DYRK1B: variants seen among roughly 807,000 people sequenced by gnomAD.
DYRK1B encodes the protein dual specificity tyrosine phosphorylation regulated kinase 1B.
Under a neutral mutation model 57.1 loss-of-function variants are expected in DYRK1B, and 20 were observed. The ratio of observed to expected loss-of-function variants is 0.35; its 90% CI spans 0.25 to 0.51. The LOEUF is 0.51. Among genes scored for constraint, DYRK1B ranks in the 20% least tolerant of loss-of-function variants. DYRK1B has a pLI of 0.96. For missense variants in DYRK1B, 732 were observed against 886.3 expected (o/e 0.83, Z 2.21); for synonymous variants, 409 against 384.7 (o/e 1.06, Z -0.74).
At position 39,825,710 on chromosome 19, in the gene DYRK1B, C is replaced by T; in HGVS notation, c.*5G>A. 1.3e-6 allele frequency: 2 copies of T among 1,547,108 alleles called. No homozygotes were observed. Among genetic ancestry groups the T allele is most frequent in the Non-Finnish European group, 1.7e-6 (2 of 1,147,256 alleles). On this transcript the variant is annotated 3_prime_UTR_variant, in exon 11 of 11. Transcript: ENST00000323039. ...TTCAGGAGGGGCCCCAGGGAGGGGG[C>T]AGGGTCACGAGCTGGCTGCTGTGCT...
At chr19:39,833,495 GC>G in intron 1 of DYRK1B, 1 of 275,484 alleles carries the variant, frequency 3.6e-6, no homozygotes, top group Non-Finnish European at 5.5e-6. Context: ...ACAAGGGTCA[GC>G]CCAGGGCACG....
chr19:39,828,381 C>T lies in DYRK1B; in HGVS notation c.723G>A (p.Lys241=). The change falls in exon 6 of 11, where the codon AAG becomes AAA. Residue 241 remains lysine, a synonymous_variant. Coordinates refer to ENST00000323039, the MANE Select transcript of DYRK1B (RefSeq NM_004714.3). This position sits in a 1 kb window ranked among gnomAD's most constrained non-coding sequence, Gnocchi z 4.3. ...PELSIIHCDL[K]PENILLCNPK... The stretch of plus-strand genomic sequence containing the variant: ...GGTTGCACAGCAAGATGTTTTCGGG[C>T]TTGAGGTCGCAGTGAATGATGCTGA... 1 of 1,614,096 alleles carries T rather than the reference C, an allele frequency of 6.2e-7. No homozygotes were observed. Among genetic ancestry groups the T allele is most frequent in the South Asian group, 1.1e-5 (1 of 91,050 alleles).
At chr19:39,830,338 G>A in intron 4 of DYRK1B, 37 bp downstream of exon 4, 1 of 1,612,682 alleles carries the variant, frequency 6.2e-7, no homozygotes, top group African/African-American at 1.3e-5. Context: ...CAATGTTAGT[G>A]GGGCCTTGGA....
rs191985653 is a variant in DYRK1B, at chr19:39,826,487, G to A, written c.1411+185C>T. ...TTTTAGAGTCAGAACCAGTTTCAGG[G>A]CTCTGAGCCCAATTTCAGTGATTGT... On this transcript the variant is annotated intron_variant, in intron 9 of 10. Transcript: ENST00000323039. This position sits in a 1 kb window ranked among gnomAD's most constrained non-coding sequence, Gnocchi z 6.3. Among the ~76,000 whole-genome samples the A allele has an allele frequency of 6.6e-6, 1 of 152,334 alleles. No homozygotes were observed. Among genetic ancestry groups the A allele is most frequent in the East Asian group, 1.9e-4 (1 of 5,182 alleles).
At chr19:39,829,448 C>G (rs186248093) in intron 5 of DYRK1B, among the ~76,000 whole-genome samples, 49 of 152,140 alleles carry the variant, frequency 3.2e-4, no homozygotes, top group African/African-American at 9.9e-4. Context: ...AGGATGGTCT[C>G]GATCTCTTGA....
rs566284119 is a variant in DYRK1B at position 39,825,541 on chromosome 19, G to A, written c.*174C>T. 5.3e-3 allele frequency: 3,348 copies of A among 636,352 alleles called. 13 individuals are homozygous for A. The highest frequency in any genetic ancestry group is 7.4e-3 in the Non-Finnish European group (2,759 of 371,774). 39.4% of individuals were successfully genotyped at this position (636,352 alleles called of 1,614,324 possible). A position where few individuals can be genotyped will look rare whatever the true frequency, so the allele number is the denominator to read the frequency against. ...GGGTCCAGTCCTTAGTGGGGAGGGA[G>A]CGGCCAAAACCCTCTCCTTGACCCC... On this transcript the variant is annotated 3_prime_UTR_variant, in exon 11 of 11. Transcript: ENST00000323039.
rs369564259 is a variant in DYRK1B, at chr19:39,831,170, T to C, written c.64-387A>G. On this transcript the variant is annotated intron_variant, in intron 2 of 10. Transcript: ENST00000323039. ...CCTCTGAAGTACCTCTATCTCAATT[T>C]ACCCTCATCCCTTGGGCCTCAACCC... 5.9e-5 allele frequency among the ~76,000 whole-genome samples: 9 copies of C among 152,266 alleles called. No individual in the cohort carries two copies. In the East Asian group the frequency reaches 1.7e-3, roughly 29 times the overall value.
At chr19:39,829,605 C>T in intron 5 of DYRK1B, 1 of 336,688 alleles carries the variant, frequency 3.0e-6, no homozygotes, top group Admixed American at 4.7e-5. Context: ...TAATAATGCC[C>T]TTCCCCTTAT....
chr19:39,825,660 G>A lies in DYRK1B; in HGVS notation c.*55C>T. On this transcript the variant is annotated 3_prime_UTR_variant, in exon 11 of 11. Coordinates refer to ENST00000323039, the MANE Select transcript of DYRK1B (RefSeq NM_004714.3). ...AGAGAGATGAGGATGGGAGCCCAGG[G>A]CCCCCAGATGGGGGAGGGTATGGCT... is the stretch of plus-strand genomic sequence containing the variant. The A allele has an allele frequency of 6.7e-7, 1 of 1,498,102 alleles. No homozygotes were observed. The highest frequency in any genetic ancestry group is 9.0e-7 in the Non-Finnish European group (1 of 1,110,824). The allele number at this position is 1,498,102 out of a possible 1,614,324, so 92.8% of individuals were successfully genotyped here. A position where few individuals can be genotyped will look rare whatever the true frequency, so the allele number is the denominator to read the frequency against.
rs1055251974 is a variant in DYRK1B at position 39,826,911 on chromosome 19, G to A, written c.1172C>T (p.Ala391Val). The change falls in exon 9 of 11, where the codon GCG (alanine) becomes GTG (valine). Residue 391 changes from alanine to valine, a missense_variant. By Grantham distance (64) the Ala-to-Val change is moderately conservative (BLOSUM62 0). Transcript: ENST00000323039. This position sits in a 1 kb window ranked among gnomAD's most constrained non-coding sequence, Gnocchi z 6.3. ...GGCGGGGCTGTGGCCCGGCTCCCCC[G>A]CCCGCCGGCCCCCGGGCCCGCCCGT... ...VQTGGPGGRRAGEPGHSPADY... is the reference protein window; with the variant it reads ...VQTGGPGGRRVGEPGHSPADY... 4 of 1,346,150 alleles carry A rather than the reference G, an allele frequency of 3.0e-6. No individual in the cohort carries two copies. Among genetic ancestry groups the A allele is most frequent in the African/African-American group, 1.6e-5 (1 of 62,526 alleles). 83.4% of individuals were successfully genotyped at this position (1,346,150 alleles called of 1,614,324 possible).
chr19:39,828,147 A>G lies in DYRK1B; in HGVS notation c.807+150T>C. ...CTTCACCCTTCCCATCCTAGTGGGC[A>G]GTATATTCACACCCCCACCCCAAGC... On this transcript the variant is annotated intron_variant, in intron 6 of 10. Transcript: ENST00000323039. The surrounding 1 kb of genome is among the most constrained non-coding windows in gnomAD (Gnocchi z 4.3). 1.2e-6 allele frequency: 1 copy of G among 849,708 alleles called. No homozygotes were observed. Among genetic ancestry groups the G allele is most frequent in the Non-Finnish European group, 1.8e-6 (1 of 561,556 alleles). 52.6% of individuals were successfully genotyped at this position (849,708 alleles called of 1,614,324 possible). A position where few individuals can be genotyped will look rare whatever the true frequency, so the allele number is the denominator to read the frequency against.
At chr19:39,832,093 C>CA (rs1298025037) in intron 1 of DYRK1B, 125 bp from the exon 2 acceptor site, 17 of 1,079,344 alleles carry the variant, frequency 1.6e-5, no homozygotes, top group Non-Finnish European at 2.1e-5. Flanking sequence ...CACAACGGAG[C>CA]AGCAGATAGC....
At chr19:39,831,081 C>A (rs1051380063) in intron 2 of DYRK1B, among the ~76,000 whole-genome samples, 4 of 152,196 alleles carry the variant, frequency 2.6e-5, no homozygotes, top group Non-Finnish European at 5.9e-5. Context: ...AGGGAGAGAT[C>A]ATATGGAAAA....
At position 39,825,656 on chromosome 19, in the gene DYRK1B, C is replaced by T; in HGVS notation, c.*59G>A. 1 of 1,501,136 alleles carries T rather than the reference C, an allele frequency of 6.7e-7. No homozygotes were observed. The highest frequency in any genetic ancestry group is 9.0e-7 in the Non-Finnish European group (1 of 1,114,592). 93.0% of individuals were successfully genotyped at this position (1,501,136 alleles called of 1,614,324 possible). Reference sequence around the variant, plus strand: ...AAGGAGAGAGATGAGGATGGGAGCCCAGGGCCCCCAGATGGGGGAGGGTAT... The same window carrying T: ...AAGGAGAGAGATGAGGATGGGAGCCTAGGGCCCCCAGATGGGGGAGGGTAT... On this transcript the variant is annotated 3_prime_UTR_variant, in exon 11 of 11. Coordinates refer to ENST00000323039, the MANE Select transcript of DYRK1B (RefSeq NM_004714.3).
chr19:39,826,486 G>A lies in DYRK1B; in HGVS notation c.1411+186C>T, dbSNP rs569105046. On this transcript the variant is annotated intron_variant, in intron 9 of 10. Transcript: ENST00000323039. This position sits in a 1 kb window ranked among gnomAD's most constrained non-coding sequence, Gnocchi z 6.3. ...GTTTTAGAGTCAGAACCAGTTTCAG[G>A]GCTCTGAGCCCAATTTCAGTGATTG... is the stretch of plus-strand genomic sequence containing the variant. 6.6e-6 allele frequency among the ~76,000 whole-genome samples: 1 copy of A among 152,320 alleles called. No individual in the cohort carries two copies. Among genetic ancestry groups the A allele is most frequent in the East Asian group, 1.9e-4 (1 of 5,176 alleles).
At chr19:39,833,389 C>T in intron 1 of DYRK1B, 3 of 981,904 alleles carry the variant, frequency 3.1e-6, no homozygotes, top group Non-Finnish European at 3.6e-6. Context: ...TGTCTCTGGC[C>T]CGGCCGGCCC....
intron 1 of DYRK1B, 61 bp from the exon 2 acceptor site, chr19:39,832,029 G>A (rs1042485216): frequency 2.9e-6 from 4 of 1,373,834 alleles, no homozygotes; most frequent in Non-Finnish European, 2.8e-6. Context: ...AATAGTGCCA[G>A]GCGGGGAAGA....
rs1968732508 is a variant in DYRK1B, at chr19:39,830,014, T to C, written c.386A>G (p.Tyr129Cys). 3.1e-6 allele frequency: 5 copies of C among 1,614,132 alleles called. No homozygotes were observed. Among genetic ancestry groups the C allele is most frequent in the Middle Eastern group, 1.7e-4 (1 of 6,046 alleles). The change falls in exon 5 of 11, where the codon TAT becomes TGT. Residue 129 changes from tyrosine (Y) to cysteine (C), a missense_variant. By Grantham distance (194) the Tyr-to-Cys change is radical. Around this residue, in one of 2 missense-constraint regions of DYRK1B, gnomAD observed 510 missense variants for 681.3 expected, o/e 0.75. Coordinates refer to ENST00000323039, the MANE Select transcript of DYRK1B (RefSeq NM_004714.3). The part of the protein sequence containing the change: ...KGSFGQVVKA[Y>C]DHQTQELVAI... The stretch of plus-strand genomic sequence containing the variant: ...CACAAGCTCCTGGGTCTGATGATCA[T>C]AGGCTTTCACCACCTGTTGGGGCAG...
chr19:39,827,711 AC>A lies in DYRK1B; in HGVS notation c.808-56del. On this transcript the variant is annotated intron_variant, in intron 6 of 10. Coordinates refer to ENST00000323039, the MANE Select transcript of DYRK1B (RefSeq NM_004714.3). ...AGCCTCCCCTACTGGTCCCACTGAC[AC>A]CCCCAAAGCTAAGAGGACCCAACTG... 4 of 1,586,426 alleles carry A rather than the reference AC, an allele frequency of 2.5e-6. No individual in the cohort carries two copies. In the South Asian group the frequency reaches 3.4e-5, roughly 13 times the overall value.
Sources: gnomAD v4.1 joint callset for allele counts (sites outside exome capture counted in the v4.1 genomes callset) on GRCh38, gnomAD v4.1.1 for gene constraint, gnomAD v4.1.1 regional missense constraint, Gnocchi (gnomAD v3.1) non-coding constraint, MANE v1.5 for transcripts, NCBI Gene and HGNC (gene_info 2026-07-23, HGNC 2026-07-21) for gene names.